The following SNX3 variants were observed in gnomAD, a reference collection of about 807,000 sequenced individuals.
SNX3 encodes the protein sorting nexin 3.
SNX3 carries 5 observed loss-of-function variants against 17.7 expected under a neutral mutation model. That is an observed-to-expected ratio of 0.28 (90% confidence interval 0.15 to 0.59). The LOEUF (loss-of-function observed/expected upper bound fraction) is 0.59. SNX3 is among the 20% of genes least tolerant of loss of function. The probability of loss-of-function intolerance (pLI) is 0.88; values close to 1 mark genes in which losing one functional copy is unlikely to be tolerated. For synonymous variants in SNX3, 91 were observed against 76.5 expected, an observed-to-expected ratio of 1.19 and a Z score of -0.99; for missense variants, 132 against 206.8, an observed-to-expected ratio of 0.64 and a Z score of 2.22.
At chr6:108,240,938 C>T (rs1469938872) in intron 1 of SNX3, among the ~76,000 whole-genome samples, 7 of 151,470 alleles carry the variant, frequency 4.6e-5, no homozygotes, top group Non-Finnish European at 8.8e-5. Flanking sequence ...GTCAGGAGTT[C>T]GAGACCACCC....
At chr6:108,212,924 A>G (rs947878557) in intron 3 of SNX3, among the ~76,000 whole-genome samples, 26 of 124,052 alleles carry the variant, frequency 2.1e-4, no homozygotes, top group African/African-American at 7.2e-4. Flanking sequence ...GTGTTGCTCT[A>G]TCACCCAGGC....
At chr6:108,248,543 T>G (rs79085175) in intron 1 of SNX3, among the ~76,000 whole-genome samples, 1 of 152,266 alleles carries the variant, frequency 6.6e-6, no homozygotes, top group Non-Finnish European at 1.5e-5. Flanking sequence ...AAAAAAACAA[T>G]TGATCGGATG....
chr6:108,218,278 T>A (rs2114708743), intron 2 of SNX3, among the ~76,000 whole-genome samples: 1 of 152,258 alleles, frequency 6.6e-6, no homozygotes, highest in East Asian at 1.9e-4. Flanking sequence ...AGTAAGTATA[T>A]GAAAAGAAAA....
In SNX3 at chr6:108,228,533, C is replaced by T. The variant is rs184192525; in HGVS notation, c.163-5488G>A. Among the ~76,000 whole-genome samples the T allele has an allele frequency of 3.3e-3, 488 of 149,710 alleles. 4 individuals are homozygous for T. The highest frequency in any genetic ancestry group is 0.012 in the African/African-American group (472 of 39,672). On this transcript the variant is annotated intron_variant, in intron 1 of 3. Transcript: ENST00000230085. ...TGCACTCCAGCCTGGGCAACAAGAG[C>T]GAAACTCTGTTTAAAAAAAAAAAAA... is the stretch of plus-strand genomic sequence containing the variant.
At chr6:108,243,500 T>C (rs537610290) in intron 1 of SNX3, among the ~76,000 whole-genome samples, 2 of 152,296 alleles carry the variant, frequency 1.3e-5, no homozygotes, top group African/African-American at 4.8e-5. Flanking sequence ...TTCATGCTCA[T>C]GTGTGTGACA....
At chr6:108,235,420 AAACTGTAGAACTGT>A (rs1271086611) in intron 1 of SNX3, among the ~76,000 whole-genome samples, 5 of 152,344 alleles carry the variant, frequency 3.3e-5, no homozygotes, top group African/African-American at 1.2e-4. Flanking sequence ...AGACCTGACC[AAACTGTAGAACTGT>A]AATGAAGTGA....
chr6:108,222,919 GC>G (rs1459741178), intron 2 of SNX3, 30 bp downstream of exon 2: 1 of 1,238,738 alleles, frequency 8.1e-7, no homozygotes. Flanking sequence ...GGAATGTTTT[GC>G]TTTAAAGTTG....
chr6:108,235,062 T>C (rs1234438481), intron 1 of SNX3, among the ~76,000 whole-genome samples: 1 of 152,208 alleles, frequency 6.6e-6, no homozygotes, highest in Non-Finnish European at 1.5e-5. Context: ...AGTAGCTACT[T>C]TGGTAGCCTA....
At chr6:108,242,557 T>C (rs1426453803) in intron 1 of SNX3, among the ~76,000 whole-genome samples, 1 of 152,148 alleles carries the variant, frequency 6.6e-6, no homozygotes, top group African/African-American at 2.4e-5. Context: ...GAATTCCCTA[T>C]CCAGCGTGGT....
At chr6:108,238,253 A>C (rs1173275255) in intron 1 of SNX3, among the ~76,000 whole-genome samples, 2 of 152,120 alleles carry the variant, frequency 1.3e-5, no homozygotes, top group East Asian at 3.8e-4. Flanking sequence ...GAGGATACCC[A>C]AGCAGAGTAG....
At chr6:108,230,500 A>C (rs1323680905) in intron 1 of SNX3, among the ~76,000 whole-genome samples, 1 of 152,184 alleles carries the variant, frequency 6.6e-6, no homozygotes, top group Non-Finnish European at 1.5e-5. Context: ...AAGATGGGAG[A>C]CAAGCAAAAG....
At position 108,236,424 on chromosome 6, in the gene SNX3, C is replaced by T. The variant is rs1485722000; in HGVS notation, c.163-13379G>A. Among the ~76,000 whole-genome samples, 6 of 146,930 alleles carry T rather than the reference C, an allele frequency of 4.1e-5. No homozygotes were observed. The South Asian group carries it at 1.1e-3, about 26-fold the overall frequency. On this transcript the variant is annotated intron_variant, in intron 1 of 3. Coordinates refer to ENST00000230085, the MANE Select transcript of SNX3 (RefSeq NM_003795.6). ...TTTGAGACGGAGTCTCGCTCTGTCG[C>T]CCAGGCTGGAGTGCAGTGGCGGGAT... is the stretch of plus-strand genomic sequence containing the variant.
chr6:108,222,499 TCA>T (rs1353875226), intron 2 of SNX3, among the ~76,000 whole-genome samples: 3 of 152,148 alleles, frequency 2.0e-5, no homozygotes, highest in Non-Finnish European at 4.4e-5. Flanking sequence ...TCAGCACATA[TCA>T]CACAGAGTGA....
chr6:108,241,635 G>A (rs62427119), intron 1 of SNX3, among the ~76,000 whole-genome samples: 7,877 of 151,404 alleles, frequency 0.052, 380 homozygotes, highest in Admixed American at 0.15. Context: ...AAATTGATCC[G>A]TGCTATCACC....
chr6:108,249,912 G>A (rs781356346), intron 1 of SNX3, among the ~76,000 whole-genome samples: 4 of 152,060 alleles, frequency 2.6e-5, no homozygotes, highest in Non-Finnish European at 5.9e-5. Context: ...ATAGCCTCAT[G>A]ATATTTTTTA....
At chr6:108,260,099 G>C (rs1252422879) in intron 1 of SNX3, among the ~76,000 whole-genome samples, 1 of 152,184 alleles carries the variant, frequency 6.6e-6, no homozygotes, top group African/African-American at 2.4e-5. Flanking sequence ...AAGATCCCTA[G>C]TCTTTTCTTA....
At chr6:108,250,841 C>T (rs530620597) in intron 1 of SNX3, among the ~76,000 whole-genome samples, 3 of 152,302 alleles carry the variant, frequency 2.0e-5, no homozygotes, top group Admixed American at 6.5e-5. Context: ...TCAAAGTTTA[C>T]AGAACAAATA....
intron 1 of SNX3, among the ~76,000 whole-genome samples, chr6:108,228,580 T>C (rs1030464700): frequency 1.3e-5 from 2 of 151,764 alleles, no homozygotes; most frequent in African/African-American, 2.4e-5. Flanking sequence ...TGGTGGCACA[T>C]GCCTGTAGTG....
intron 1 of SNX3, among the ~76,000 whole-genome samples, chr6:108,245,026 G>A (rs1179986646): frequency 6.6e-6 from 1 of 152,064 alleles, no homozygotes; most frequent in Non-Finnish European, 1.5e-5. Flanking sequence ...ATGTGCCATG[G>A]TGGTTTGCTG....
Sources: allele counts gnomAD v4.1 joint callset (sites outside exome capture counted in the v4.1 genomes callset), GRCh38; gene constraint gnomAD v4.1.1; transcripts MANE v1.5; gene names NCBI Gene and HGNC (gene_info 2026-07-23, HGNC 2026-07-21).